RBFOX1: variants seen among roughly 807,000 people sequenced by gnomAD.
RBFOX1 encodes RNA binding fox-1 homolog 1.
RBFOX1 carries 8 observed loss-of-function variants against 57.7 expected under a neutral mutation model. The ratio of observed to expected loss-of-function variants is 0.14; its 90% confidence interval spans 0.08 to 0.25. RBFOX1 has a LOEUF of 0.25. Ranked by LOEUF, RBFOX1 falls within the 10% of genes least tolerant of loss-of-function variation. The probability of loss-of-function intolerance (pLI) is 1.00; values close to 1 mark genes in which losing one functional copy is unlikely to be tolerated. For missense variants in RBFOX1, 611 were observed against 548.5 expected (o/e 1.11, Z -1.14); for synonymous variants, 326 against 222.4 (o/e 1.47, Z -4.15).
chr16:6,005,741 T>C (rs1219905073), intron 4 of RBFOX1, among the ~76,000 whole-genome samples: 1 of 152,138 alleles, frequency 6.6e-6, no homozygotes, highest in Admixed American at 6.5e-5. Context: ...AGTAGAGATA[T>C]TTACACAATT....
chr16:6,803,336 C>A (rs748545876), intron 3 of RBFOX1, among the ~76,000 whole-genome samples: 1 of 152,182 alleles, frequency 6.6e-6, no homozygotes, highest in African/African-American at 2.4e-5. Flanking sequence ...CAGAAAACTA[C>A]AGCAGAAGTG....
chr16:5,425,204 C>G (rs1288806848), intron 1 of RBFOX1, among the ~76,000 whole-genome samples: 2 of 151,660 alleles, frequency 1.3e-5, no homozygotes, highest in Non-Finnish European at 2.9e-5. Context: ...CTCCTTGGTT[C>G]AAGTGATTCC....
chr16:5,782,553 A>G (rs1040663149), intron 3 of RBFOX1, among the ~76,000 whole-genome samples: 9 of 152,210 alleles, frequency 5.9e-5, no homozygotes, highest in Admixed American at 6.5e-5. Flanking sequence ...TAGCAGAGAT[A>G]GAAGAAGACA....
At chr16:7,025,107 A>G (rs1226499863) in intron 3 of RBFOX1, among the ~76,000 whole-genome samples, 2 of 152,204 alleles carry the variant, frequency 1.3e-5, no homozygotes, top group African/African-American at 4.8e-5. Context: ...TTAAGAATGT[A>G]GAGGAATAAA....
intron 3 of RBFOX1, among the ~76,000 whole-genome samples, chr16:5,807,939 T>C (rs2055286533): frequency 6.6e-6 from 1 of 152,192 alleles, no homozygotes; most frequent in Non-Finnish European, 1.5e-5. Context: ...ATAAACCTTG[T>C]ATCTGGGGTT....
At chr16:6,445,255 A>T (rs1307992908) in intron 2 of RBFOX1, among the ~76,000 whole-genome samples, 2 of 152,096 alleles carry the variant, frequency 1.3e-5, no homozygotes, top group Non-Finnish European at 2.9e-5. Flanking sequence ...ATTTTTTATT[A>T]TACTTTAAGT....
At chr16:6,749,072 T>C (rs1055241834) in intron 3 of RBFOX1, 1 of 152,158 alleles carries the variant, frequency 6.6e-6, no homozygotes, top group African/African-American at 2.4e-5. Flanking sequence ...ATGACTGATA[T>C]TTCTGTCCAC....
At chr16:6,002,556 A>C (rs193131691) in intron 4 of RBFOX1, among the ~76,000 whole-genome samples, 134 of 152,316 alleles carry the variant, frequency 8.8e-4, no homozygotes, top group African/African-American at 3.1e-3. Flanking sequence ...TAATTGAGAG[A>C]AGTGAATCCA....
chr16:6,317,354 T>C (rs188969388), intron 2 of RBFOX1, among the ~76,000 whole-genome samples: 3 of 152,162 alleles, frequency 2.0e-5, no homozygotes, highest in Non-Finnish European at 4.4e-5. Flanking sequence ...GTTTCTTTTT[T>C]TCTCCCCCTA....
At position 6,741,686 on chromosome 16, in the gene RBFOX1, T is replaced by G. The variant is rs532211885; in HGVS notation, c.-16+87036T>G. Among the ~76,000 whole-genome samples, 43 of 151,438 alleles carry G rather than the reference T, an allele frequency of 2.8e-4. No individual in the cohort carries two copies. The East Asian group carries it at 4.7e-3, about 16-fold the overall frequency. ...TCAGTCTCAAAAAAAAAAAAAAAAT[T>G]AAGGATGTGGTCTCTGAACAATCCT... On this transcript the variant is annotated intron_variant, in intron 3 of 15. Transcript: ENST00000550418.
intron 10 of RBFOX1, among the ~76,000 whole-genome samples, chr16:7,622,041 A>T (rs1199252097): frequency 6.6e-6 from 1 of 152,222 alleles, no homozygotes; most frequent in East Asian, 1.9e-4. Flanking sequence ...TTAAAATCGT[A>T]AAAAGCATTC....
At chr16:6,304,453 A>T (rs2079206922) in intron 1 of RBFOX1, among the ~76,000 whole-genome samples, 1 of 152,050 alleles carries the variant, frequency 6.6e-6, no homozygotes, top group Non-Finnish European at 1.5e-5. Flanking sequence ...TTTAGCTCCA[A>T]AGCTACCTGG....
chr16:6,885,434 C>A (rs1446935928), intron 3 of RBFOX1, among the ~76,000 whole-genome samples: 1 of 152,186 alleles, frequency 6.6e-6, no homozygotes, highest in African/African-American at 2.4e-5. Context: ...CAGCTGAGTT[C>A]TATAGTACCT....
At chr16:7,329,383 C>T (rs1254900778) in intron 4 of RBFOX1, among the ~76,000 whole-genome samples, 6 of 152,052 alleles carry the variant, frequency 3.9e-5, no homozygotes, top group Non-Finnish European at 7.4e-5. Flanking sequence ...TTGAGTAGCC[C>T]GACATTTGCC....
chr16:6,635,968 G>A (rs755297070), intron 2 of RBFOX1, among the ~76,000 whole-genome samples: 56 of 152,278 alleles, frequency 3.7e-4, no homozygotes, highest in Middle Eastern at 3.4e-3. Context: ...GTTGAGAACC[G>A]TCATTGCCTT....
chr16:7,319,851 T>G (rs1039262730), intron 4 of RBFOX1, among the ~76,000 whole-genome samples: 3 of 152,078 alleles, frequency 2.0e-5, no homozygotes, highest in Non-Finnish European at 4.4e-5. Context: ...ATATCCTCAT[T>G]TGTAGAATGG....
intron 4 of RBFOX1, among the ~76,000 whole-genome samples, chr16:7,314,927 A>G (rs2096402866): frequency 6.6e-6 from 1 of 152,148 alleles, no homozygotes; most frequent in Non-Finnish European, 1.5e-5. Flanking sequence ...CCGGATTGGG[A>G]ATTCTGGATG....
intron 4 of RBFOX1, among the ~76,000 whole-genome samples, chr16:7,409,316 C>T (rs1007943653): frequency 3.9e-5 from 6 of 152,222 alleles, no homozygotes; most frequent in African/African-American, 9.6e-5. Context: ...AGTAACAGTT[C>T]ACTGGAGCAG....
chr16:7,332,519 C>T (rs183625339), intron 4 of RBFOX1, among the ~76,000 whole-genome samples: 14 of 152,116 alleles, frequency 9.2e-5, no homozygotes, highest in Admixed American at 2.6e-4. Flanking sequence ...AACTCGGAGG[C>T]GATAATCACA....
Sources: allele counts gnomAD v4.1 joint callset (sites outside exome capture counted in the v4.1 genomes callset), GRCh38; gene constraint gnomAD v4.1.1; transcripts MANE v1.5; gene names NCBI Gene and HGNC (gene_info 2026-07-23, HGNC 2026-07-21).